Variants in EPHB1 observed in about 807,000 individuals in gnomAD.
EPHB1 encodes the protein EPH receptor B1.
EPHB1 carries 30 observed loss-of-function variants against 94.4 expected under a neutral mutation model. The ratio of observed to expected loss-of-function variants is 0.32; its 90% confidence interval spans 0.24 to 0.43. The LOEUF is 0.43. Among genes scored for constraint, EPHB1 ranks in the 20% least tolerant of loss-of-function variants. The pLI, the probability that EPHB1 is intolerant of heterozygous loss-of-function variation, is 1.00. For synonymous variants in EPHB1, 522 were observed against 489.1 expected (o/e 1.07, Z -0.89); for missense variants, 1,055 against 1,308.3 (o/e 0.81, Z 2.99).
rs114523663 is a variant in EPHB1 at position 134,946,713 on chromosome 3, T to G, written c.124-4658T>G. Among the ~76,000 whole-genome samples, 431 of 152,302 alleles carry G rather than the reference T, an allele frequency of 2.8e-3. 2 individuals carry two copies. The highest frequency in any genetic ancestry group is 0.017 in the Middle Eastern group (5 of 294). On this transcript the variant is annotated intron_variant, in intron 2 of 15. Transcript: ENST00000398015. ...TGGTAATGAGTGAGTCTCACTCTAT[T>G]AGTTCACACAGGAGCTGGTGGTTTA...
intron 3 of EPHB1, among the ~76,000 whole-genome samples, chr3:135,027,081 C>G (rs1382264212): frequency 6.8e-6 from 1 of 146,240 alleles, no homozygotes; most frequent in South Asian, 2.2e-4. Flanking sequence ...TGAGACTTTG[C>G]TGAAGTTGCT....
chr3:134,817,824 G>A (rs1305041746), intron 1 of EPHB1, among the ~76,000 whole-genome samples: 2 of 152,222 alleles, frequency 1.3e-5, no homozygotes, highest in Non-Finnish European at 2.9e-5. Context: ...GCCCAAGCCT[G>A]GTGGAATGGT....
intron 4 of EPHB1, among the ~76,000 whole-genome samples, chr3:135,121,225 G>A (rs1160414900): frequency 6.6e-6 from 1 of 152,178 alleles, no homozygotes; most frequent in Non-Finnish European, 1.5e-5. Flanking sequence ...TGACCTCCAT[G>A]CCTGATGGAC....
chr3:135,129,060 A>G (rs1162677605), intron 4 of EPHB1, among the ~76,000 whole-genome samples: 1 of 152,108 alleles, frequency 6.6e-6, no homozygotes, highest in African/African-American at 2.4e-5. Flanking sequence ...GCACTCAACA[A>G]CCATGACCTT....
intron 1 of EPHB1, among the ~76,000 whole-genome samples, chr3:134,864,021 T>C (rs1488960386): frequency 1.3e-5 from 2 of 152,226 alleles, no homozygotes; most frequent in African/African-American, 2.4e-5. Flanking sequence ...GTCAGGATGA[T>C]GGCTGTCTCA....
intron 3 of EPHB1, among the ~76,000 whole-genome samples, chr3:135,053,703 TA>T (rs2107772902): frequency 6.6e-6 from 1 of 152,274 alleles, no homozygotes; most frequent in African/African-American, 2.4e-5. Flanking sequence ...ATAGTAAAGT[TA>T]AGCTGGGCAT....
At chr3:134,881,570 G>C (rs2037730947) in intron 1 of EPHB1, among the ~76,000 whole-genome samples, 1 of 152,184 alleles carries the variant, frequency 6.6e-6, no homozygotes, top group South Asian at 2.1e-4. Context: ...ATAAACAGCT[G>C]TAGAGCTGGG....
intron 2 of EPHB1, among the ~76,000 whole-genome samples, chr3:134,941,018 A>G (rs2039105213): frequency 6.6e-6 from 1 of 152,236 alleles, no homozygotes. Context: ...CCTGTCTTAA[A>G]TAAAGGTGTC....
chr3:134,946,816 A>G (rs531594083), intron 2 of EPHB1, among the ~76,000 whole-genome samples: 196 of 152,190 alleles, frequency 1.3e-3, no homozygotes, highest in African/African-American at 4.4e-3. Flanking sequence ...ATGATTGGAA[A>G]CTTCCTGAGG....
intron 15 of EPHB1, among the ~76,000 whole-genome samples, chr3:135,258,256 A>G (rs188948318): frequency 1.1e-3 from 162 of 152,270 alleles, no homozygotes; most frequent in African/African-American, 3.8e-3. Context: ...AATTTTTATC[A>G]TCATTGTGTT....
At chr3:135,155,898 G>T (rs569628808) in intron 6 of EPHB1, among the ~76,000 whole-genome samples, 2 of 151,942 alleles carry the variant, frequency 1.3e-5, no homozygotes, top group African/African-American at 4.8e-5. Context: ...ATTTTGGATG[G>T]ATCATTTAAG....
intron 1 of EPHB1, among the ~76,000 whole-genome samples, chr3:134,814,744 C>T (rs1455379379): frequency 1.3e-5 from 2 of 152,318 alleles, no homozygotes; most frequent in African/African-American, 4.8e-5. Flanking sequence ...CTTGTTGCGT[C>T]CCAAGTCCCA....
intron 3 of EPHB1, among the ~76,000 whole-genome samples, chr3:135,061,821 C>G (rs1159162359): frequency 4.6e-5 from 7 of 152,120 alleles, no homozygotes; most frequent in Non-Finnish European, 4.4e-5. Context: ...TTGTTCAATT[C>G]CCACCTATGA....
intron 1 of EPHB1, among the ~76,000 whole-genome samples, chr3:134,811,923 A>C (rs1208953460): frequency 6.6e-6 from 1 of 152,194 alleles, no homozygotes; most frequent in Non-Finnish European, 1.5e-5. Context: ...TATCCTAGGG[A>C]GATCCAGAAG....
At chr3:134,869,001 T>A (rs761057290) in intron 1 of EPHB1, among the ~76,000 whole-genome samples, 1 of 152,262 alleles carries the variant, frequency 6.6e-6, no homozygotes, top group Non-Finnish European at 1.5e-5. Context: ...TCTCTGCCTC[T>A]TACAAGTTTT....
intron 3 of EPHB1, among the ~76,000 whole-genome samples, chr3:135,043,713 T>G (rs1936919091): frequency 6.6e-6 from 1 of 152,250 alleles, no homozygotes; most frequent in Non-Finnish European, 1.5e-5. Context: ...GATATATTCC[T>G]TTAGCGGAAG....
At chr3:135,256,092 T>A (rs1343444202) in intron 15 of EPHB1, among the ~76,000 whole-genome samples, 3 of 152,138 alleles carry the variant, frequency 2.0e-5, no homozygotes, top group African/African-American at 7.2e-5. Flanking sequence ...TCCATCCTTT[T>A]ATTTTGAGCC....
chr3:135,043,719 G>A (rs924609957), intron 3 of EPHB1, among the ~76,000 whole-genome samples: 3 of 152,318 alleles, frequency 2.0e-5, no homozygotes, highest in South Asian at 2.1e-4. Flanking sequence ...TTCCTTTAGC[G>A]GAAGACTCTT....
intron 3 of EPHB1, among the ~76,000 whole-genome samples, chr3:135,063,417 T>C (rs925465979): frequency 2.6e-5 from 4 of 152,132 alleles, no homozygotes; most frequent in Non-Finnish European, 2.9e-5. Context: ...TGGTTATGTA[T>C]ACTCCTAAGT....
Sources: gnomAD v4.1 joint callset for allele counts (sites outside exome capture counted in the v4.1 genomes callset) on GRCh38, gnomAD v4.1.1 for gene constraint, MANE v1.5 for transcripts, NCBI Gene and HGNC (gene_info 2026-07-23, HGNC 2026-07-21) for gene names.